METAP1: variants seen among roughly 807,000 people sequenced by gnomAD.
METAP1 encodes methionyl aminopeptidase 1.
A neutral mutation model predicts 53.8 loss-of-function variants in METAP1; 28 were observed. The ratio of observed to expected loss-of-function variants is 0.52; its 90% CI spans 0.39 to 0.71. METAP1 has a LOEUF of 0.71. Ranked by LOEUF, METAP1 falls within the 30% of genes least tolerant of loss-of-function variation. METAP1 has a pLI of 0.00. For missense variants in METAP1, 389 were observed against 479.8 expected (o/e 0.81, Z 1.77); for synonymous variants, 181 against 165.7 (o/e 1.09, Z -0.71).
chr4:99,005,617 A>G (rs1442189435), intron 1 of METAP1, among the ~76,000 whole-genome samples: 2 of 152,354 alleles, frequency 1.3e-5, no homozygotes, highest in East Asian at 3.9e-4. Context: ...AGACACCTGT[A>G]TATGTATGTT....
chr4:99,010,344 C>T (rs928393425), intron 1 of METAP1, among the ~76,000 whole-genome samples: 3 of 152,148 alleles, frequency 2.0e-5, no homozygotes, highest in African/African-American at 7.2e-5. Flanking sequence ...GTGCCAACTA[C>T]TTGGGAGGCT....
chr4:99,051,130 G>T (rs1215612979), intron 9 of METAP1, among the ~76,000 whole-genome samples: 1 of 152,156 alleles, frequency 6.6e-6, no homozygotes, highest in Non-Finnish European at 1.5e-5. Flanking sequence ...AAGAGTATGT[G>T]CAGGGGAGGG....
At chr4:99,059,583 A>G (rs1279880073) in intron 10 of METAP1, among the ~76,000 whole-genome samples, 2 of 152,194 alleles carry the variant, frequency 1.3e-5, no homozygotes, top group African/African-American at 4.8e-5. Flanking sequence ...TGAAGAAAGT[A>G]TTGATTTTTT....
intron 6 of METAP1, 78 bp from the exon 7 acceptor site, chr4:99,043,170 AT>A (rs1452772400): frequency 8.8e-7 from 1 of 1,130,360 alleles, no homozygotes. Context: ...CTGTTTTCAC[AT>A]TTTTCAAATT....
chr4:99,060,268 T>C (rs1252458011), intron 10 of METAP1, among the ~76,000 whole-genome samples: 1 of 151,282 alleles, frequency 6.6e-6, no homozygotes, highest in Non-Finnish European at 1.5e-5. Context: ...TGCTCACTAC[T>C]CCCAGACCTT....
At chr4:99,049,576 A>G (rs1726535381) in intron 9 of METAP1, among the ~76,000 whole-genome samples, 1 of 152,218 alleles carries the variant, frequency 6.6e-6, no homozygotes, top group African/African-American at 2.4e-5. Flanking sequence ...ATAATATCTT[A>G]CAGAAACATT....
chr4:99,051,609 T>G (rs889097049), intron 9 of METAP1, among the ~76,000 whole-genome samples: 3 of 152,108 alleles, frequency 2.0e-5, no homozygotes, highest in African/African-American at 7.2e-5. Context: ...CAGACTGATA[T>G]CAAACTCCTG....
chr4:98,998,602 TAGG>T (rs1056309583), intron 1 of METAP1, among the ~76,000 whole-genome samples: 2 of 152,106 alleles, frequency 1.3e-5, no homozygotes, highest in East Asian at 1.9e-4. Context: ...CTGTGATCAC[TAGG>T]AGGTCTTTCT....
At chr4:99,048,248 T>A (rs554156568) in intron 8 of METAP1, among the ~76,000 whole-genome samples, 231 of 152,346 alleles carry the variant, frequency 1.5e-3, no homozygotes, top group African/African-American at 5.1e-3. Flanking sequence ...CAGATGCCCT[T>A]GGTTTGAATT....
chr4:99,041,069 T>A lies in METAP1; in HGVS notation c.459T>A (p.Ala153=), dbSNP rs1310238368. 6.2e-7 allele frequency: 1 copy of A among 1,609,902 alleles called. No homozygotes were observed. ...TTGCTAGAGAAGTTTTGGATGTTGC[T>A]GCCGGCATGATTAAACCAGGTGTAA... ...CRLAREVLDV[A]AGMIKPGVTT... is the part of the protein sequence containing the mutation. The change falls in exon 6 of 11, where the codon GCT becomes GCA. Residue 153 remains alanine, a synonymous_variant. Transcript: ENST00000296411.
chr4:99,053,464 G>T (rs62325206), intron 9 of METAP1, among the ~76,000 whole-genome samples: 3,339 of 152,228 alleles, frequency 0.022, 46 homozygotes, highest in Non-Finnish European at 0.035. Context: ...TGTTGCCCAG[G>T]CTGGTCTTGA....
chr4:99,021,010 A>G (rs1205288936), intron 1 of METAP1, among the ~76,000 whole-genome samples: 1 of 152,134 alleles, frequency 6.6e-6, no homozygotes, highest in African/African-American at 2.4e-5. Flanking sequence ...ACTTTTTCCC[A>G]GTAGACTCAA....
intron 5 of METAP1, among the ~76,000 whole-genome samples, chr4:99,039,979 G>A (rs757403737): frequency 2.0e-5 from 3 of 152,092 alleles, no homozygotes; most frequent in Non-Finnish European, 2.9e-5. Context: ...TGCCCGCCTC[G>A]GCCTCCCACA....
intron 6 of METAP1, 44 bp from the exon 7 acceptor site, chr4:99,043,205 A>AT: frequency 7.2e-7 from 1 of 1,392,206 alleles, no homozygotes; most frequent in Non-Finnish European, 9.7e-7. Flanking sequence ...TTTCATACAG[A>AT]TTTTTTCTTT....
chr4:99,022,879 A>G (rs933687472), intron 1 of METAP1: 2 of 1,529,432 alleles, frequency 1.3e-6, no homozygotes, highest in Non-Finnish European at 8.8e-7. Context: ...TTCTTTTTGC[A>G]TCTCACAAAC....
At chr4:99,034,884 A>G (rs1725317837) in intron 3 of METAP1, among the ~76,000 whole-genome samples, 1 of 152,188 alleles carries the variant, frequency 6.6e-6, no homozygotes, top group Non-Finnish European at 1.5e-5. Flanking sequence ...CTTGGCAGAT[A>G]GGACTTGGAG....
intron 1 of METAP1, among the ~76,000 whole-genome samples, chr4:99,018,795 T>C (rs1391805333): frequency 6.6e-6 from 1 of 152,198 alleles, no homozygotes; most frequent in Non-Finnish European, 1.5e-5. Flanking sequence ...CCATCTTTAA[T>C]AAGGCCTTCA....
chr4:99,003,964 GAACTTAA>G (rs1053263177), intron 1 of METAP1, among the ~76,000 whole-genome samples: 1 of 152,160 alleles, frequency 6.6e-6, no homozygotes, highest in Non-Finnish European at 1.5e-5. Context: ...TGGGCCTCCG[GAACTTAA>G]AACTTGACTG....
intron 9 of METAP1, among the ~76,000 whole-genome samples, chr4:99,056,594 C>T (rs981019845): frequency 5.9e-5 from 9 of 152,082 alleles, no homozygotes; most frequent in African/African-American, 1.4e-4. Flanking sequence ...GTTTTTGAGA[C>T]GGAGTCTTGC....
Sources: allele counts gnomAD v4.1 joint callset (sites outside exome capture counted in the v4.1 genomes callset), GRCh38; gene constraint gnomAD v4.1.1; transcripts MANE v1.5; gene names NCBI Gene and HGNC (gene_info 2026-07-23, HGNC 2026-07-21).